The following DMD variants were observed in gnomAD, a reference collection of about 807,000 sequenced individuals.
The protein encoded by DMD is mutant dystrophin.
A neutral mutation model predicts 330.1 loss-of-function variants in DMD; 63 were observed. That is an observed-to-expected ratio of 0.19 (90% CI 0.16 to 0.24). The LOEUF (loss-of-function observed/expected upper bound fraction) is 0.24, where lower values mean the gene tolerates loss of function less well. Ranked by LOEUF, DMD falls within the 10% of genes least tolerant of loss-of-function variation. The pLI is 1.00. For synonymous variants in DMD, 1,223 were observed against 959.8 expected (o/e 1.27, Z -5.07); for missense variants, 3,344 against 2,684.1 (o/e 1.25, Z -5.43).
At chrX:33,009,207 T>C (rs1386830836) in intron 2 of DMD, among the ~76,000 whole-genome samples, 1 of 55,355 alleles carries the variant, frequency 1.8e-5, no homozygotes, top group African/African-American at 7.3e-5. Flanking sequence ...TATGTGTATA[T>C]ATACACATAT....
intron 44 of DMD, among the ~76,000 whole-genome samples, chrX:32,179,121 C>A (rs1202411501): frequency 9.1e-6 from 1 of 110,149 alleles, no homozygotes; most frequent in African/African-American, 3.3e-5. Context: ...ATATTTTTAG[C>A]TGTGTTCATT....
At position 31,958,345 on chromosome X, in the gene DMD, T is replaced by A. The variant is rs972577605; in HGVS notation, c.6614+9994A>T. On this transcript the variant is annotated intron_variant, in intron 45 of 78. Transcript: ENST00000357033. ...AAATGCTGTATTCATACTTTAAATA[T>A]ACATATGGGCATCTACTCTTTCCCT... Among the ~76,000 whole-genome samples, 3 of 111,134 alleles carry A rather than the reference T, an allele frequency of 2.7e-5. No homozygotes were observed. In the East Asian group the frequency reaches 8.5e-4, roughly 32 times the overall value.
At chrX:31,282,886 C>T (rs2052727947) in intron 62 of DMD, among the ~76,000 whole-genome samples, 1 of 111,449 alleles carries the variant, frequency 9.0e-6, no homozygotes, top group Admixed American at 9.5e-5. Flanking sequence ...AGAATGTTTC[C>T]ACATTTAACA....
intron 1 of DMD, among the ~76,000 whole-genome samples, chrX:33,024,396 A>T (rs2093962829): frequency 8.9e-6 from 1 of 112,118 alleles, no homozygotes. Flanking sequence ...TCTTAGGAAA[A>T]TTTACTTGAA....
chrX:31,359,824 A>G (rs941475306), intron 60 of DMD, among the ~76,000 whole-genome samples: 10 of 111,871 alleles, frequency 8.9e-5, no homozygotes, highest in Admixed American at 5.7e-4. Context: ...AGGCACAGAG[A>G]ATGAGATGTT....
At chrX:31,851,950 C>T (rs1199077024) in intron 48 of DMD, among the ~76,000 whole-genome samples, 1 of 110,400 alleles carries the variant, frequency 9.1e-6, no homozygotes, top group African/African-American at 3.3e-5. Flanking sequence ...ACAATCTGTG[C>T]AGAGACAGCA....
At chrX:32,690,515 C>G (rs1178870566) in intron 9 of DMD, among the ~76,000 whole-genome samples, 2 of 111,408 alleles carry the variant, frequency 1.8e-5, no homozygotes, top group Admixed American at 1.9e-4. Flanking sequence ...TATGGAACCA[C>G]AAAGAATCCC....
chrX:31,396,433 G>A lies in DMD; in HGVS notation c.9085-47799C>T, dbSNP rs191367941. Among the ~76,000 whole-genome samples, 43 of 111,213 alleles carry A rather than the reference G, an allele frequency of 3.9e-4. No homozygotes were observed. The East Asian group carries it at 0.011, about 28-fold the overall frequency. On this transcript the variant is annotated intron_variant, in intron 60 of 78. Transcript: ENST00000357033. ...ATTACAGGCGTGAGCCACCGCGCCC[G>A]GCCCAAAGATGACAATTATATGTGT... is the stretch of plus-strand genomic sequence containing the variant.
intron 19 of DMD, among the ~76,000 whole-genome samples, chrX:32,492,265 G>T (rs1390517745): frequency 1.8e-5 from 2 of 112,129 alleles, no homozygotes; most frequent in Non-Finnish European, 3.8e-5. Context: ...GTGAACCCGG[G>T]AGGCGGAGCT....
At chrX:32,474,200 T>TACACACACACACAC (rs770330585) in intron 21 of DMD, among the ~76,000 whole-genome samples, 47 of 104,944 alleles carry the variant, frequency 4.5e-4, no homozygotes, top group African/African-American at 1.5e-3. Context: ...CATATATACA[T>TACACACACACACAC]ACATACATAC....
At chrX:31,523,695 G>C (rs1005900243) in intron 55 of DMD, among the ~76,000 whole-genome samples, 3 of 112,159 alleles carry the variant, frequency 2.7e-5, no homozygotes, top group African/African-American at 9.7e-5. Flanking sequence ...TTCAGCCAGG[G>C]GCCTGCCTGT....
At chrX:31,147,564 G>C (rs2147937746) in intron 74 of DMD, 46 bp from the exon 75 acceptor site, 1 of 1,011,611 alleles carries the variant, frequency 9.9e-7, no homozygotes, top group East Asian at 3.3e-5. Flanking sequence ...GAAAGAAAAA[G>C]AAAAAGAAGA....
intron 2 of DMD, among the ~76,000 whole-genome samples, chrX:32,889,249 G>T (rs1424458886): frequency 9.0e-6 from 1 of 111,173 alleles, no homozygotes; most frequent in South Asian, 3.8e-4. Flanking sequence ...CAGGATATAG[G>T]GTACAGTAGA....
chrX:33,305,500 T>C (rs1416069919), intron 1 of DMD, among the ~76,000 whole-genome samples: 1 of 103,152 alleles, frequency 9.7e-6, no homozygotes, highest in Non-Finnish European at 2.0e-5. Flanking sequence ...CACACCAGCA[T>C]GGCACATGTA....
intron 44 of DMD, among the ~76,000 whole-genome samples, chrX:32,209,334 G>A (rs1005938149): frequency 7.2e-5 from 8 of 111,016 alleles, no homozygotes; most frequent in Non-Finnish European, 1.9e-5. Flanking sequence ...ATAAAGGGAA[G>A]TGTACAAAAA....
intron 48 of DMD, among the ~76,000 whole-genome samples, chrX:31,862,847 G>A (rs2093729772): frequency 8.9e-6 from 1 of 112,513 alleles, no homozygotes. Flanking sequence ...ATGCACCGGC[G>A]AAATAGCAGA....
chrX:33,258,739 C>T (rs2052900573), intron 1 of DMD, among the ~76,000 whole-genome samples: 1 of 110,897 alleles, frequency 9.0e-6, no homozygotes, highest in Non-Finnish European at 1.9e-5. Context: ...TTTACACAGT[C>T]ACTCCTACAG....
At chrX:32,135,551 T>A (rs918325207) in intron 44 of DMD, among the ~76,000 whole-genome samples, 7 of 110,942 alleles carry the variant, frequency 6.3e-5, no homozygotes, top group African/African-American at 2.0e-4. Flanking sequence ...TGAAACACCA[T>A]CTCTAAAAAA....
At chrX:32,580,457 G>A (rs2053538145) in intron 13 of DMD, among the ~76,000 whole-genome samples, 1 of 111,702 alleles carries the variant, frequency 9.0e-6, no homozygotes, top group African/African-American at 3.3e-5. Flanking sequence ...ACTCAATCTT[G>A]CTGTGCTTTA....
Sources: gnomAD v4.1 joint callset for allele counts (sites outside exome capture counted in the v4.1 genomes callset) on GRCh38, gnomAD v4.1.1 for gene constraint, MANE v1.5 for transcripts, NCBI Gene and HGNC (gene_info 2026-07-23, HGNC 2026-07-21) for gene names.